KAT2B: variants seen among roughly 807,000 people sequenced by gnomAD.
The protein encoded by KAT2B is lysine acetyltransferase 2B.
KAT2B carries 36 observed loss-of-function variants against 105.9 expected under a neutral mutation model. That is an observed-to-expected ratio of 0.34 (90% CI 0.26 to 0.45). The LOEUF is 0.45. Among genes scored for constraint, KAT2B ranks in the 20% least tolerant of loss-of-function variants. KAT2B has a pLI of 1.00. For synonymous variants in KAT2B, 397 were observed against 377.9 expected (o/e 1.05, Z -0.59); for missense variants, 820 against 1,021.6 (o/e 0.80, Z 2.69).
intron 1 of KAT2B, 58 bp downstream of exon 1, chr3:20,040,838 C>A (rs1036492068): frequency 2.0e-6 from 3 of 1,477,824 alleles, no homozygotes; most frequent in African/African-American, 2.9e-5. Flanking sequence ...CCCGCGGGAC[C>A]CCCCTCCCCC....
intron 11 of KAT2B, among the ~76,000 whole-genome samples, chr3:20,129,742 G>T (rs1179784761): frequency 6.6e-6 from 1 of 152,152 alleles, no homozygotes; most frequent in Non-Finnish European, 1.5e-5. Flanking sequence ...TAGACAAGCT[G>T]CCTTTCAAGT....
intron 1 of KAT2B, among the ~76,000 whole-genome samples, chr3:20,056,451 A>G (rs1335890833): frequency 6.6e-6 from 1 of 152,238 alleles, no homozygotes; most frequent in Non-Finnish European, 1.5e-5. Flanking sequence ...ATGTCTGTTA[A>G]TAGACAAATG....
chr3:20,119,827 G>A, intron 8 of KAT2B, 104 bp downstream of exon 8: 1 of 1,257,120 alleles, frequency 8.0e-7, no homozygotes, highest in Non-Finnish European at 1.1e-6. Context: ...GATTGTGCAT[G>A]TCCAGGATTT....
chr3:20,137,541 CT>C (rs200097819), intron 12 of KAT2B: 267 of 148,558 alleles, frequency 1.8e-3, no homozygotes, highest in Non-Finnish European at 2.0e-3. Context: ...TCCTCCCTTC[CT>C]TTTTTTTTTT....
At chr3:20,111,012 C>A (rs1699112046) in intron 5 of KAT2B, among the ~76,000 whole-genome samples, 1 of 152,164 alleles carries the variant, frequency 6.6e-6, no homozygotes, top group South Asian at 2.1e-4. Context: ...TCCCACCAAA[C>A]CTCCGATAAG....
chr3:20,099,921 G>T lies in KAT2B; in HGVS notation c.636G>T (p.Lys212Asn). 3.1e-6 allele frequency: 5 copies of T among 1,608,214 alleles called. No individual in the cohort carries two copies. Among genetic ancestry groups the T allele is most frequent in the Non-Finnish European group, 4.3e-6 (5 of 1,174,980 alleles). Residue 212 changes from lysine to asparagine, a missense_variant, in exon 4 of 18, where the codon AAG (lysine) becomes AAT (asparagine). Physicochemically the swap from Lys to Asn is moderately conservative, Grantham distance 94. Around this residue, in one of 6 missense-constraint regions of KAT2B, gnomAD observed 173 missense variants for 249.5 expected, o/e 0.69. Coordinates refer to ENST00000263754, the MANE Select transcript of KAT2B (RefSeq NM_003884.5). ...GKPVVEGSLE[K>N]KPPFEKPSIE... ...CTGTGGTTGAAGGCTCTTTGGAAAA[G>T]AAACCCCCATTTGAAAAACCTAGCA...
At chr3:20,130,539 T>C (rs547036015) in intron 11 of KAT2B, among the ~76,000 whole-genome samples, 1 of 152,356 alleles carries the variant, frequency 6.6e-6, no homozygotes, top group Non-Finnish European at 1.5e-5. Context: ...ATTTTTATTT[T>C]CAAAGATAGC....
chr3:20,048,805 C>T (rs1369223707), intron 1 of KAT2B, among the ~76,000 whole-genome samples: 2 of 152,148 alleles, frequency 1.3e-5, no homozygotes, highest in Admixed American at 1.3e-4. Context: ...TGGCTACTCA[C>T]ACATGGGGAG....
At chr3:20,092,793 C>T (rs1257723702) in intron 2 of KAT2B, among the ~76,000 whole-genome samples, 13 of 152,038 alleles carry the variant, frequency 8.6e-5, no homozygotes, top group Admixed American at 7.2e-4. Flanking sequence ...TCTCCGCCTC[C>T]TGGGTTCAAG....
intron 3 of KAT2B, among the ~76,000 whole-genome samples, chr3:20,096,592 TAAG>T (rs1363852449): frequency 6.6e-6 from 1 of 152,248 alleles, no homozygotes; most frequent in Non-Finnish European, 1.5e-5. Flanking sequence ...CCTCTTCTAA[TAAG>T]AAGCACTGTG....
At chr3:20,132,925 G>A (rs1376316780) in intron 11 of KAT2B, among the ~76,000 whole-genome samples, 1 of 152,184 alleles carries the variant, frequency 6.6e-6, no homozygotes, top group Non-Finnish European at 1.5e-5. Context: ...GTGTTAAAGT[G>A]AATTTCATTA....
At chr3:20,044,259 T>A (rs1415289975) in intron 1 of KAT2B, among the ~76,000 whole-genome samples, 1 of 151,600 alleles carries the variant, frequency 6.6e-6, no homozygotes, top group African/African-American at 2.4e-5. Flanking sequence ...GGCGGGAGGA[T>A]CACTTGAGTC....
intron 1 of KAT2B, among the ~76,000 whole-genome samples, chr3:20,067,551 C>T (rs1217235874): frequency 2.6e-5 from 4 of 152,186 alleles, no homozygotes; most frequent in Non-Finnish European, 5.9e-5. Flanking sequence ...TCTGTGTTGT[C>T]TTCTCCAAGA....
chr3:20,071,452 G>A (rs1170811374), intron 1 of KAT2B, among the ~76,000 whole-genome samples: 1 of 152,234 alleles, frequency 6.6e-6, no homozygotes, highest in Non-Finnish European at 1.5e-5. Context: ...ATTTTTATAA[G>A]TGGCTGAGGT....
At chr3:20,102,713 T>A (rs1698931553) in intron 5 of KAT2B, among the ~76,000 whole-genome samples, 1 of 152,252 alleles carries the variant, frequency 6.6e-6, no homozygotes. Flanking sequence ...TTTATTTTCA[T>A]CTGAAGGACT....
chr3:20,071,213 A>C (rs745925948), intron 1 of KAT2B, among the ~76,000 whole-genome samples: 1 of 152,184 alleles, frequency 6.6e-6, no homozygotes, highest in Non-Finnish European at 1.5e-5. Context: ...ACTACAGTGC[A>C]CTTTGATTTG....
chr3:20,078,138 C>T (rs1252111516), intron 2 of KAT2B, among the ~76,000 whole-genome samples: 1 of 152,096 alleles, frequency 6.6e-6, no homozygotes, highest in Non-Finnish European at 1.5e-5. Flanking sequence ...GAGATCGCAC[C>T]ACTTGCACTC....
At chr3:20,149,948 G>T (rs1699843296) in intron 17 of KAT2B, among the ~76,000 whole-genome samples, 1 of 152,202 alleles carries the variant, frequency 6.6e-6, no homozygotes, top group African/African-American at 2.4e-5. Context: ...TGTGACTTTG[G>T]GGCCCTTTCA....
chr3:20,135,720 G>T (rs1699588951), intron 11 of KAT2B, among the ~76,000 whole-genome samples: 1 of 152,138 alleles, frequency 6.6e-6, no homozygotes, highest in African/African-American at 2.4e-5. Flanking sequence ...GCCATATGAG[G>T]AATGACTATA....
Sources: allele counts gnomAD v4.1 joint callset (sites outside exome capture counted in the v4.1 genomes callset), GRCh38; gene constraint gnomAD v4.1.1; regional missense constraint gnomAD v4.1.1; transcripts MANE v1.5; gene names NCBI Gene and HGNC (gene_info 2026-07-23, HGNC 2026-07-21).